SSBP3: variants seen among roughly 807,000 people sequenced by gnomAD.
The protein encoded by SSBP3 is single-stranded DNA-binding protein 3.
SSBP3 carries 5 observed loss-of-function variants against 69.6 expected under a neutral mutation model. The ratio of observed to expected loss-of-function variants is 0.07; its 90% CI spans 0.04 to 0.15. The LOEUF (loss-of-function observed/expected upper bound fraction) is 0.15, where lower values mean the gene tolerates loss of function less well. Ranked by LOEUF, SSBP3 falls within the 10% of genes least tolerant of loss-of-function variation. The pLI is 1.00. For synonymous variants in SSBP3, 196 were observed against 193.4 expected (o/e 1.01, Z -0.11); for missense variants, 312 against 534.0 (o/e 0.58, Z 4.10).
chr1:54,242,166 A>C (rs778825417), exon 11 of SSBP3: 2 of 1,613,278 alleles, frequency 1.2e-6, no homozygotes, highest in Non-Finnish European at 1.7e-6. Context: ...GTACTCACTG[A>C]GTTAGCACTG....
At chr1:54,249,715 T>A (rs1453929022) in intron 9 of SSBP3, among the ~76,000 whole-genome samples, 2 of 114,208 alleles carry the variant, frequency 1.8e-5, no homozygotes, top group Non-Finnish European at 3.7e-5. Flanking sequence ...TTAAAAAATT[T>A]AAAAAAACTT....
chr1:54,320,066 TGGAGAG>T (rs1198971827), intron 4 of SSBP3, among the ~76,000 whole-genome samples: 1 of 152,176 alleles, frequency 6.6e-6, no homozygotes, highest in East Asian at 1.9e-4. Context: ...CATGCCAGGC[TGGAGAG>T]GGAGGTGAAT....
chr1:54,385,501 A>G (rs1648016149), intron 4 of SSBP3, among the ~76,000 whole-genome samples: 1 of 152,092 alleles, frequency 6.6e-6, no homozygotes, highest in African/African-American at 2.4e-5. Flanking sequence ...ACACACACAC[A>G]CAACCTCTTA....
At chr1:54,407,106 C>T (rs1472256497), upstream of SSBP3, among the ~76,000 whole-genome samples, 1 of 152,034 alleles carries the variant, frequency 6.6e-6, no homozygotes, top group Non-Finnish European at 1.5e-5. Flanking sequence ...TGGAAAACCC[C>T]AAAGTGGAGC....
chr1:54,379,175 C>T (rs1647426684), intron 4 of SSBP3, among the ~76,000 whole-genome samples: 1 of 152,262 alleles, frequency 6.6e-6, no homozygotes, highest in Non-Finnish European at 1.5e-5. Context: ...CAGTAACAGA[C>T]ATGACACTTG....
At chr1:54,294,919 T>C (rs1244858065) in intron 4 of SSBP3, among the ~76,000 whole-genome samples, 1 of 152,020 alleles carries the variant, frequency 6.6e-6, no homozygotes, top group African/African-American at 2.4e-5. Flanking sequence ...GATACCTTCC[T>C]CCACTTCCCT....
intron 4 of SSBP3, among the ~76,000 whole-genome samples, chr1:54,316,673 T>TA (rs1557525489): frequency 0.016 from 1,160 of 72,372 alleles, 107 homozygotes; most frequent in African/African-American, 0.078. Flanking sequence ...AATAAATAAA[T>TA]AAATAAATAA....
rs1647401167 is a variant in SSBP3, at chr1:54,378,874, C to T, written c.276+22987G>A. ...GCTTTATCCTCCTCCGAGGAAGGAA[C>T]TCCCCATTTAGTCAAATATTTCACT... On this transcript the variant is annotated intron_variant, in intron 4 of 17. Coordinates refer to ENST00000610401, the Ensembl canonical transcript of SSBP3. 2.0e-5 allele frequency among the ~76,000 whole-genome samples: 3 copies of T among 152,212 alleles called. No individual in the cohort carries two copies. The South Asian group carries it at 6.2e-4, about 31-fold the overall frequency.
At chr1:54,274,690 G>A (rs1042933300) in intron 5 of SSBP3, among the ~76,000 whole-genome samples, 10 of 152,190 alleles carry the variant, frequency 6.6e-5, no homozygotes, top group African/African-American at 2.4e-4. Context: ...GGGGACCGCA[G>A]CTGGACTCCA....
chr1:54,226,206 C>G (rs1051041866), exon 18 of SSBP3: 2 of 150,882 alleles, frequency 1.3e-5, no homozygotes, highest in Non-Finnish European at 2.9e-5. Context: ...GCTGGAGAGG[C>G]AGGGAGGCCA....
At chr1:54,400,345 G>C (rs1388423436) in intron 4 of SSBP3, among the ~76,000 whole-genome samples, 2 of 119,276 alleles carry the variant, frequency 1.7e-5, no homozygotes, top group African/African-American at 6.4e-5. Context: ...ACTAGCAACA[G>C]TGTTGGCTGT....
At chr1:54,396,018 C>G (rs1648838702) in intron 4 of SSBP3, among the ~76,000 whole-genome samples, 1 of 151,976 alleles carries the variant, frequency 6.6e-6, no homozygotes, top group Non-Finnish European at 1.5e-5. Flanking sequence ...TGGCGAAACC[C>G]TGTCTCTACT....
intron 4 of SSBP3, among the ~76,000 whole-genome samples, chr1:54,316,660 T>A (rs11206330): frequency 0.16 from 4,435 of 27,064 alleles, 453 homozygotes; most frequent in Admixed American, 0.21. Context: ...AAAAAAAAAA[T>A]AAAATAAATA....
At chr1:54,348,535 G>A (rs1482740630) in intron 4 of SSBP3, among the ~76,000 whole-genome samples, 1 of 152,206 alleles carries the variant, frequency 6.6e-6, no homozygotes, top group Non-Finnish European at 1.5e-5. Context: ...CCCACAGTGA[G>A]AATACCAGCC....
chr1:54,333,040 G>A, intron 4 of SSBP3, among the ~76,000 whole-genome samples: 1 of 152,190 alleles, frequency 6.6e-6, no homozygotes, highest in East Asian at 1.9e-4. Context: ...GGGCCAGGCT[G>A]GACCTGGCAA....
intron 4 of SSBP3, among the ~76,000 whole-genome samples, chr1:54,368,517 C>T (rs1314163862): frequency 1.3e-5 from 2 of 151,960 alleles, no homozygotes; most frequent in African/African-American, 2.4e-5. Flanking sequence ...CAACTCATTA[C>T]CTGCCTGAAG....
intron 5 of SSBP3, among the ~76,000 whole-genome samples, chr1:54,272,326 C>T (rs1445788684): frequency 2.0e-5 from 3 of 152,090 alleles, no homozygotes; most frequent in Non-Finnish European, 4.4e-5. Flanking sequence ...GAGCCCAGCC[C>T]AGACTCCCCT....
intron 4 of SSBP3, among the ~76,000 whole-genome samples, chr1:54,372,520 C>G (rs1569970987): frequency 6.6e-6 from 1 of 152,200 alleles, no homozygotes; most frequent in Non-Finnish European, 1.5e-5. Flanking sequence ...TGAGCACTGA[C>G]CACCACCTAC....
chr1:54,318,754 A>G (rs1030826310), intron 4 of SSBP3, among the ~76,000 whole-genome samples: 9 of 152,024 alleles, frequency 5.9e-5, no homozygotes, highest in African/African-American at 1.9e-4. Context: ...CCCCCACCCC[A>G]AGCCGGGAAT....
Sources: allele counts gnomAD v4.1 joint callset (sites outside exome capture counted in the v4.1 genomes callset), GRCh38; gene constraint gnomAD v4.1.1; transcripts MANE v1.5; gene names NCBI Gene and HGNC (gene_info 2026-07-23, HGNC 2026-07-21).